The following TBC1D22A variants were observed in gnomAD, a reference collection of about 807,000 sequenced individuals.
TBC1D22A encodes the protein TBC1 domain family member 22A, also known as putative GTPase activator.
TBC1D22A carries 38 observed loss-of-function variants against 60.2 expected under a neutral mutation model. That is an observed-to-expected ratio of 0.63 (90% CI 0.49 to 0.83). The LOEUF (loss-of-function observed/expected upper bound fraction) is 0.83. TBC1D22A is among the 40% of genes least tolerant of loss of function. The pLI, the probability that TBC1D22A is intolerant of heterozygous loss-of-function variation, is 0.00. For synonymous variants in TBC1D22A, 302 were observed against 281.7 expected, an observed-to-expected ratio of 1.07 and a Z score of -0.72; for missense variants, 628 against 701.0, an observed-to-expected ratio of 0.90 and a Z score of 1.18.
chr22:46,832,135 G>A (rs549664185), intron 4 of TBC1D22A, among the ~76,000 whole-genome samples: 1 of 152,338 alleles, frequency 6.6e-6, no homozygotes, highest in East Asian at 1.9e-4. Context: ...TGGGCAGGAT[G>A]TCTGGCCTGA....
At chr22:46,982,660 G>T (rs368743339) in intron 9 of TBC1D22A, among the ~76,000 whole-genome samples, 4 of 152,200 alleles carry the variant, frequency 2.6e-5, no homozygotes, top group Non-Finnish European at 5.9e-5. Flanking sequence ...CCTACCGGTC[G>T]TGTGAACAAC....
intron 11 of TBC1D22A, among the ~76,000 whole-genome samples, chr22:47,041,823 C>G (rs1020018567): frequency 6.6e-6 from 1 of 152,212 alleles, no homozygotes; most frequent in Non-Finnish European, 1.5e-5. Flanking sequence ...CACAACTTCT[C>G]TGCTGTTGAA....
At chr22:47,169,930 C>T (rs548843279) in intron 12 of TBC1D22A, among the ~76,000 whole-genome samples, 357 of 152,354 alleles carry the variant, frequency 2.3e-3, no homozygotes, top group African/African-American at 8.3e-3. Context: ...ACCGTCATTG[C>T]TGGGAGAGCC....
intron 4 of TBC1D22A, among the ~76,000 whole-genome samples, chr22:46,876,892 G>A (rs1412921024): frequency 2.0e-5 from 3 of 152,236 alleles, no homozygotes; most frequent in Non-Finnish European, 4.4e-5. Context: ...GGATGGTCAT[G>A]TGGCTTCCCT....
intron 8 of TBC1D22A, among the ~76,000 whole-genome samples, chr22:46,966,243 C>T (rs564065123): frequency 2.2e-4 from 33 of 152,264 alleles, no homozygotes; most frequent in African/African-American, 7.9e-4. Flanking sequence ...CCAGCCCGGT[C>T]GGGCTCCGTG....
chr22:46,920,590 C>A (rs1275652638), intron 8 of TBC1D22A, among the ~76,000 whole-genome samples: 1 of 152,130 alleles, frequency 6.6e-6, no homozygotes, highest in African/African-American at 2.4e-5. Flanking sequence ...CTCCTCGAAT[C>A]TGGGGACTGT....
chr22:47,152,109 C>T (rs2067529090), intron 12 of TBC1D22A, among the ~76,000 whole-genome samples: 1 of 152,250 alleles, frequency 6.6e-6, no homozygotes, highest in Non-Finnish European at 1.5e-5. Context: ...GGTCCTAGGG[C>T]TCCACGGTTC....
At chr22:46,913,225 G>C in intron 8 of TBC1D22A, 2 of 670,986 alleles carry the variant, frequency 3.0e-6, no homozygotes, top group Non-Finnish European at 4.5e-6. Flanking sequence ...AAATAGGAAA[G>C]AGGGGACTTT....
intron 10 of TBC1D22A, among the ~76,000 whole-genome samples, chr22:47,005,584 C>T (rs559472448): frequency 6.7e-6 from 1 of 149,798 alleles, no homozygotes; most frequent in African/African-American, 2.5e-5. Flanking sequence ...TACACGCAAA[C>T]CTATACACAC....
At chr22:47,002,947 G>A (rs1019300402) in intron 10 of TBC1D22A, among the ~76,000 whole-genome samples, 1 of 152,258 alleles carries the variant, frequency 6.6e-6, no homozygotes, top group Middle Eastern at 3.4e-3. Context: ...CGCCAGGGCC[G>A]CCTAGGGGAT....
chr22:46,809,938 A>G (rs1277397240), intron 4 of TBC1D22A, among the ~76,000 whole-genome samples: 4 of 152,192 alleles, frequency 2.6e-5, no homozygotes, highest in African/African-American at 9.7e-5. Context: ...AATCTTCATA[A>G]CCATCATTTT....
chr22:47,141,130 G>A (rs1245239183), intron 12 of TBC1D22A, among the ~76,000 whole-genome samples: 3 of 152,188 alleles, frequency 2.0e-5, no homozygotes, highest in Non-Finnish European at 4.4e-5. Context: ...GCAGGCAAGC[G>A]AGCATGTGCA....
Position 46,762,722 on chromosome 22 carries a change from C to A in TBC1D22A, c.-65C>A. On this transcript the variant is annotated 5_prime_UTR_variant, in exon 1 of 13. Coordinates refer to ENST00000337137, the MANE Select transcript of TBC1D22A (RefSeq NM_014346.5). ...GGCCACCCGGGGCACAGGAAAGGGC[C>A]GCTAGGGGAGGGCCGGGTGCACTCG... The A allele has an allele frequency of 7.4e-7, 1 of 1,358,168 alleles. No individual in the cohort carries two copies. Among genetic ancestry groups the A allele is most frequent in the East Asian group, 3.1e-5 (1 of 32,160 alleles). The allele number at this position is 1,358,168 out of a possible 1,614,324, so 84.1% of individuals were successfully genotyped here.
chr22:46,836,994 T>TAAAA (rs34771491), intron 4 of TBC1D22A, among the ~76,000 whole-genome samples: 2 of 134,930 alleles, frequency 1.5e-5, no homozygotes, highest in East Asian at 2.2e-4. Flanking sequence ...TCTTGTCTCC[T>TAAAA]AAAAAAAAAA....
intron 8 of TBC1D22A, among the ~76,000 whole-genome samples, chr22:46,972,304 A>G (rs1456900421): frequency 1.2e-4 from 18 of 152,122 alleles, no homozygotes; most frequent in Non-Finnish European, 7.4e-5. Flanking sequence ...TCTCTCACTC[A>G]TGTCTGTGCC....
chr22:47,113,302 A>G (rs2065915503), intron 12 of TBC1D22A, among the ~76,000 whole-genome samples: 1 of 152,052 alleles, frequency 6.6e-6, no homozygotes. Flanking sequence ...TGGGCTGGCC[A>G]TGGAGCTTGG....
At chr22:47,015,958 C>T (rs2061898595) in intron 10 of TBC1D22A, among the ~76,000 whole-genome samples, 1 of 152,196 alleles carries the variant, frequency 6.6e-6, no homozygotes. Context: ...CCCTGCAGCC[C>T]CCTACCTGGT....
chr22:46,985,665 G>A (rs1444375687), intron 9 of TBC1D22A, among the ~76,000 whole-genome samples: 2 of 152,174 alleles, frequency 1.3e-5, no homozygotes, highest in Admixed American at 1.3e-4. Flanking sequence ...CCTGTTGGTG[G>A]CAGCCGAGGC....
At chr22:46,912,533 A>AGTCAGTCT (rs1555944738) in intron 8 of TBC1D22A, among the ~76,000 whole-genome samples, 1 of 151,950 alleles carries the variant, frequency 6.6e-6, no homozygotes, top group African/African-American at 2.4e-5. Context: ...TCAGTCAATC[A>AGTCAGTCT]GTCTGTCTGT....
Sources: gnomAD v4.1 joint callset for allele counts (sites outside exome capture counted in the v4.1 genomes callset) on GRCh38, gnomAD v4.1.1 for gene constraint, MANE v1.5 for transcripts, NCBI Gene and HGNC (gene_info 2026-07-23, HGNC 2026-07-21) for gene names.